SYNE1: variants seen among roughly 807,000 people sequenced by gnomAD.
SYNE1 encodes nesprin-1.
In SYNE1, 616 loss-of-function variants were observed where a neutral mutation model predicts 1,111.0. The observed-to-expected ratio is 0.55, with a 90% confidence interval of 0.52 to 0.59. The LOEUF (loss-of-function observed/expected upper bound fraction) is 0.59. Ranked by LOEUF, SYNE1 falls within the 20% of genes least tolerant of loss-of-function variation. The pLI is 0.00. For synonymous variants in SYNE1, 3,855 were observed against 3,825.8 expected, an observed-to-expected ratio of 1.01 and a Z score of -0.28; for missense variants, 10,006 against 10,417.0, an observed-to-expected ratio of 0.96 and a Z score of 1.72.
chr6:152,478,801 T>C (rs2098852465), intron 14 of SYNE1, among the ~76,000 whole-genome samples: 1 of 152,096 alleles, frequency 6.6e-6, no homozygotes, highest in Admixed American at 6.6e-5. Context: ...GGGTTAGTCA[T>C]CGCGCCTGGG....
intron 130 of SYNE1, among the ~76,000 whole-genome samples, chr6:152,167,197 A>G (rs1333094754): frequency 1.3e-5 from 2 of 152,214 alleles, no homozygotes; most frequent in Non-Finnish European, 2.9e-5. Flanking sequence ...TATGAAATCC[A>G]AATGTCCAGC....
At chr6:152,628,244 C>T (rs2099690189) in intron 3 of SYNE1, 21 bp downstream of exon 3, 1 of 1,613,704 alleles carries the variant, frequency 6.2e-7, no homozygotes, top group Non-Finnish European at 8.5e-7. Flanking sequence ...TTTTTTAAAA[C>T]CTGAAATTTC....
chr6:152,540,715 T>G (rs1564738809), intron 3 of SYNE1, among the ~76,000 whole-genome samples: 1 of 152,330 alleles, frequency 6.6e-6, no homozygotes, highest in East Asian at 1.9e-4. Context: ...GAGTGAGAGA[T>G]TCTCCTGCTG....
chr6:152,249,720 T>C (rs2088543763), intron 104 of SYNE1, among the ~76,000 whole-genome samples: 1 of 152,198 alleles, frequency 6.6e-6, no homozygotes, highest in Admixed American at 6.6e-5. Context: ...TTTCTTCTTC[T>C]ATTTTTGGAA....
rs778532275 is a variant in SYNE1 at position 152,239,682 on chromosome 6, G to A, written c.19918C>T (p.His6640Tyr). ...HKEYFQGLESHMILTETLFRK... is the reference protein window; with the variant it reads ...HKEYFQGLESYMILTETLFRK... ...AAGAGTGTTTCAGTCAAGATCATATGAGATTCCAGGCCCTGAAAGTATTCC... is the reference window on the plus strand; with the variant it reads ...AAGAGTGTTTCAGTCAAGATCATATAAGATTCCAGGCCCTGAAAGTATTCC... The change falls in exon 108 of 146, where the codon CAT becomes TAT. Residue 6640 changes from histidine to tyrosine, a missense_variant. Transcript: ENST00000367255. The A allele has an allele frequency of 6.2e-6, 10 of 1,614,070 alleles. No homozygotes were observed. The highest frequency in any genetic ancestry group is 8.5e-6 in the Non-Finnish European group (10 of 1,180,034).
chr6:152,471,304 A>G (rs1335423195), intron 16 of SYNE1, among the ~76,000 whole-genome samples: 2 of 152,218 alleles, frequency 1.3e-5, no homozygotes, highest in Admixed American at 1.3e-4. Context: ...TGGGTATGCA[A>G]TACAAAAACT....
intron 3 of SYNE1, among the ~76,000 whole-genome samples, chr6:152,598,955 G>A (rs1027093315): frequency 6.6e-6 from 1 of 152,130 alleles, no homozygotes; most frequent in African/African-American, 2.4e-5. Flanking sequence ...TTCAAGTGAT[G>A]TTATTATCTT....
At chr6:152,347,562 T>C (rs2096659215) in intron 72 of SYNE1, among the ~76,000 whole-genome samples, 1 of 152,204 alleles carries the variant, frequency 6.6e-6, no homozygotes, top group Non-Finnish European at 1.5e-5. Flanking sequence ...TTTTTCAGGT[T>C]AATAAGTTAT....
chr6:152,279,560 A>G (rs2093892899), intron 97 of SYNE1, among the ~76,000 whole-genome samples: 1 of 151,936 alleles, frequency 6.6e-6, no homozygotes, highest in African/African-American at 2.4e-5. Flanking sequence ...TCCAAAAAAT[A>G]CAAAAAAATA....
chr6:152,262,268 C>T (rs1415796840), intron 100 of SYNE1, 80 bp from the exon 101 acceptor site: 14 of 1,304,452 alleles, frequency 1.1e-5, no homozygotes, highest in African/African-American at 5.8e-5. Flanking sequence ...GTGTACCAGA[C>T]CTGGCTTCTC....
chr6:152,627,566 G>C (rs1427176752), intron 3 of SYNE1, among the ~76,000 whole-genome samples: 1 of 152,158 alleles, frequency 6.6e-6, no homozygotes, highest in Non-Finnish European at 1.5e-5. Context: ...GCTGAGGGAG[G>C]AGAATCGCTT....
chr6:152,212,142 C>T (rs1026451404), intron 123 of SYNE1, among the ~76,000 whole-genome samples: 3 of 151,962 alleles, frequency 2.0e-5, no homozygotes, highest in Non-Finnish European at 2.9e-5. Flanking sequence ...ATTCACATAC[C>T]ATACAATTCA....
At chr6:152,582,514 T>C (rs573248713) in intron 3 of SYNE1, among the ~76,000 whole-genome samples, 36 of 151,922 alleles carry the variant, frequency 2.4e-4, no homozygotes, top group Non-Finnish European at 3.8e-4. Flanking sequence ...ATATTACATA[T>C]ACATGTTGCC....
intron 73 of SYNE1, among the ~76,000 whole-genome samples, chr6:152,344,560 T>TGCA (rs2096598054): frequency 6.6e-6 from 1 of 152,238 alleles, no homozygotes; most frequent in Non-Finnish European, 1.5e-5. Flanking sequence ...CAGAGGTTTT[T>TGCA]GCAGCTTCTC....
intron 145 of SYNE1, among the ~76,000 whole-genome samples, chr6:152,124,063 C>T (rs1397939424): frequency 1.3e-5 from 2 of 152,222 alleles, no homozygotes; most frequent in Admixed American, 1.3e-4. Flanking sequence ...GTGGCTCCCG[C>T]CTGTAATCCC....
chr6:152,418,923 A>G (rs1592294795), intron 40 of SYNE1, among the ~76,000 whole-genome samples: 2 of 151,964 alleles, frequency 1.3e-5, no homozygotes, highest in Non-Finnish European at 2.9e-5. Context: ...TGTCCCTACT[A>G]CCCTCCTGAA....
intron 93 of SYNE1, among the ~76,000 whole-genome samples, chr6:152,295,089 G>T (rs1741470103): frequency 6.6e-6 from 1 of 152,218 alleles, no homozygotes; most frequent in African/African-American, 2.4e-5. Context: ...GCGGTAGAAT[G>T]AATTCAGACT....
chr6:152,292,855 T>C (rs769107675), intron 95 of SYNE1, among the ~76,000 whole-genome samples: 3 of 152,242 alleles, frequency 2.0e-5, no homozygotes, highest in African/African-American at 7.2e-5. Context: ...GATGAATATG[T>C]AGGAGAATGT....
At position 152,218,414 on chromosome 6, in the gene SYNE1, A is replaced by G. The variant is rs1180851759; in HGVS notation, c.22045-11T>C. Reference sequence around the variant, plus strand: ...ATCAAGAACTCCAGCCTTTTTTTCCACAAAAGAAATTGGTATTTCAGTTAA... The same window carrying G: ...ATCAAGAACTCCAGCCTTTTTTTCCGCAAAAGAAATTGGTATTTCAGTTAA... On this transcript the variant is annotated splice_polypyrimidine_tract_variant and intron_variant, in intron 120 of 145. Coordinates refer to ENST00000367255, the MANE Select transcript of SYNE1 (RefSeq NM_182961.4). 2 of 1,605,784 alleles carry G rather than the reference A, an allele frequency of 1.2e-6. No homozygotes were observed. Among genetic ancestry groups the G allele is most frequent in the Admixed American group, 1.7e-5 (1 of 58,520 alleles).
Sources: gnomAD v4.1 joint callset for allele counts (sites outside exome capture counted in the v4.1 genomes callset) on GRCh38, gnomAD v4.1.1 for gene constraint, MANE v1.5 for transcripts, NCBI Gene and HGNC (gene_info 2026-07-23, HGNC 2026-07-21) for gene names.